The following SLC6A2 variants were observed in gnomAD, a reference collection of about 807,000 sequenced individuals.
SLC6A2 encodes the protein solute carrier family 6 member 2, also known as sodium-dependent noradrenaline transporter.
SLC6A2 carries 26 observed loss-of-function variants against 71.7 expected under a neutral mutation model. The ratio of observed to expected loss-of-function variants is 0.36; its 90% CI spans 0.27 to 0.50. SLC6A2 has a LOEUF of 0.50. SLC6A2 is among the 20% of genes least tolerant of loss of function. The pLI is 0.96. For synonymous variants in SLC6A2, 363 were observed against 337.9 expected, an observed-to-expected ratio of 1.07 and a Z score of -0.82; for missense variants, 581 against 803.9, an observed-to-expected ratio of 0.72 and a Z score of 3.35.
chr16:55,680,677 G>C (rs1466034217), intron 4 of SLC6A2, among the ~76,000 whole-genome samples: 2 of 152,150 alleles, frequency 1.3e-5, no homozygotes, highest in Non-Finnish European at 2.9e-5. Flanking sequence ...CCCAGGAACA[G>C]TACTTTGCAT....
At chr16:55,670,884 TC>T (rs1964889267) in intron 3 of SLC6A2, among the ~76,000 whole-genome samples, 1 of 152,272 alleles carries the variant, frequency 6.6e-6, no homozygotes, top group South Asian at 2.1e-4. Context: ...CGCCAACACC[TC>T]ACAGGCTAAT....
chr16:55,684,300 C>CAAA lies in SLC6A2; in HGVS notation c.645-828_645-826dup, dbSNP rs34610275. Among the ~76,000 whole-genome samples the CAAA allele has an allele frequency of 2.4e-3, 321 of 132,960 alleles. 2 individuals are homozygous for CAAA. Among genetic ancestry groups the CAAA allele is most frequent in the African/African-American group, 8.5e-3 (293 of 34,574 alleles). 87.2% of individuals were successfully genotyped at this position (132,960 alleles called of 152,430 possible). ...TGGGCAACAGAGTGAGAGCCTGTCT[C>CAAA]AAAAAAAAAAAAAAAAACAACAACA... On this transcript the variant is annotated intron_variant, in intron 4 of 14. Coordinates refer to ENST00000568943, the MANE Select transcript of SLC6A2 (RefSeq NM_001172501.3).
chr16:55,700,213 C>G lies in SLC6A2; in HGVS notation c.1665C>G (p.Asn555Lys). ...ACTACATCTTCCCGCCCTGGGCCAA[C>G]TGGGTGGGGTGGGGCATCGCCCTGT... The part of the protein sequence containing the change: ...YDDYIFPPWA[N>K]WVGWGIALSS... Residue 555 changes from asparagine to lysine, a missense_variant, in exon 13 of 15, where the codon AAC becomes AAG. By Grantham distance (94) the Asn-to-Lys change is moderately conservative. Transcript: ENST00000568943. 1.2e-6 allele frequency: 2 copies of G among 1,614,100 alleles called. No individual in the cohort carries two copies. The highest frequency in any genetic ancestry group is 1.7e-6 in the Non-Finnish European group (2 of 1,179,998).
chr16:55,669,176 T>A (rs1247435784), intron 2 of SLC6A2, among the ~76,000 whole-genome samples: 1 of 152,194 alleles, frequency 6.6e-6, no homozygotes, highest in African/African-American at 2.4e-5. Flanking sequence ...TTGGGTTAGA[T>A]TGGCATTCCC....
Position 55,656,414 on chromosome 16 carries a change from G to C in SLC6A2, c.-51-230G>C. ...TGGGTGAACGAGGAAAAGTGCTGCA[G>C]GGTCTTCAGCCGCCCCCAGAGGGCT... is the stretch of plus-strand genomic sequence containing the variant. On this transcript the variant is annotated intron_variant, in intron 1 of 14. Coordinates refer to ENST00000568943, the MANE Select transcript of SLC6A2 (RefSeq NM_001172501.3). The surrounding 1 kb of genome is among the most constrained non-coding windows in gnomAD (Gnocchi z 4.5). 1.9e-6 allele frequency: 1 copy of C among 540,064 alleles called. No individual in the cohort carries two copies. The allele number at this position is 540,064 out of a possible 1,614,324, so 33.5% of individuals were successfully genotyped here. A position where few individuals can be genotyped will look rare whatever the true frequency, so the allele number is the denominator to read the frequency against.
At chr16:55,679,875 G>A (rs1221698542) in intron 4 of SLC6A2, among the ~76,000 whole-genome samples, 1 of 152,138 alleles carries the variant, frequency 6.6e-6, no homozygotes, top group Admixed American at 6.5e-5. Flanking sequence ...GTTATCCTCC[G>A]GACCTCGATG....
intron 4 of SLC6A2, among the ~76,000 whole-genome samples, chr16:55,683,056 C>T (rs1379955540): frequency 6.6e-6 from 1 of 152,114 alleles, no homozygotes; most frequent in Non-Finnish European, 1.5e-5. Flanking sequence ...GAGCAAATAC[C>T]ACACCAAGTT....
intron 4 of SLC6A2, among the ~76,000 whole-genome samples, chr16:55,676,553 A>G (rs1337563298): frequency 6.6e-6 from 1 of 152,014 alleles, no homozygotes. Context: ...ACTTCTCCTC[A>G]CTCTAACCCC....
rs202149308 is a variant in SLC6A2, at chr16:55,656,817, C to T, written c.123C>T (p.Gly41=). 3 of 1,613,406 alleles carry T rather than the reference C, an allele frequency of 1.9e-6. No individual in the cohort carries two copies. Among genetic ancestry groups the T allele is most frequent in the East Asian group, 4.5e-5 (2 of 44,828 alleles). Reference sequence around the variant, plus strand: ...TGCTGGTGGTGAAGGAGCGCAACGGCGTCCAGTGCCTGCTGGCGCCCCGCG... The same window carrying T: ...TGCTGGTGGTGAAGGAGCGCAACGGTGTCCAGTGCCTGCTGGCGCCCCGCG... The part of the protein sequence containing the change: ...AELLVVKERN[G]VQCLLAPRDG... Residue 41 remains glycine (G), a synonymous_variant, in exon 2 of 15, where the codon GGC becomes GGT. Coordinates refer to ENST00000568943, the MANE Select transcript of SLC6A2 (RefSeq NM_001172501.3). This position sits in a 1 kb window ranked among gnomAD's most constrained non-coding sequence, Gnocchi z 4.5.
At chr16:55,697,846 G>C (rs753976313) in intron 9 of SLC6A2, 51 bp from the exon 10 acceptor site, 3 of 1,609,878 alleles carry the variant, frequency 1.9e-6, no homozygotes, top group Non-Finnish European at 2.5e-6. Flanking sequence ...CTGAGACTGA[G>C]GTCCAGGGAG....
At chr16:55,701,272 TAA>T (rs1292713518) in intron 13 of SLC6A2, among the ~76,000 whole-genome samples, 3 of 152,186 alleles carry the variant, frequency 2.0e-5, no homozygotes, top group Non-Finnish European at 4.4e-5. Flanking sequence ...GTGAAATCCC[TAA>T]GTCTGGTTCC....
At position 55,701,844 on chromosome 16, in the gene SLC6A2, CCCCTT is replaced by C. The variant is rs1567460338; in HGVS notation, c.1759-17_1759-13del. The C allele has an allele frequency of 6.2e-7, 1 of 1,609,494 alleles. No homozygotes were observed. The highest frequency in any genetic ancestry group is 8.5e-7 in the Non-Finnish European group (1 of 1,175,686). ...TCCCTGGGCCAAGCTGAGGCCTCCT[CCCCTT>C]CTCTTCCTTTCAGAGACTGGCCTAT... is the stretch of plus-strand genomic sequence containing the variant. On this transcript the variant is annotated splice_polypyrimidine_tract_variant and intron_variant, in intron 13 of 14. Transcript: ENST00000568943.
intron 4 of SLC6A2, among the ~76,000 whole-genome samples, chr16:55,678,586 TC>T (rs1277607097): frequency 2.0e-5 from 3 of 152,100 alleles, no homozygotes; most frequent in East Asian, 3.9e-4. Flanking sequence ...TAAAAGAAAC[TC>T]TGCAGCTCTG....
intron 7 of SLC6A2, 35 bp from the exon 8 acceptor site, chr16:55,695,243 C>A: frequency 1.2e-6 from 2 of 1,613,646 alleles, no homozygotes; most frequent in South Asian, 1.1e-5. Flanking sequence ...TTGAGGGTGT[C>A]AAGGGACTTG....
chr16:55,659,306 G>A (rs1259740461), intron 2 of SLC6A2, among the ~76,000 whole-genome samples: 2 of 152,160 alleles, frequency 1.3e-5, no homozygotes, highest in Non-Finnish European at 2.9e-5. Flanking sequence ...CAGCTAGATG[G>A]ATATTCCAGG....
chr16:55,692,491 GC>G (rs1244754179), intron 6 of SLC6A2, among the ~76,000 whole-genome samples: 1 of 152,104 alleles, frequency 6.6e-6, no homozygotes, highest in East Asian at 1.9e-4. Context: ...CACCAGGGAG[GC>G]CCTGCCAACT....
intron 4 of SLC6A2, among the ~76,000 whole-genome samples, chr16:55,672,557 A>G (rs1964956688): frequency 6.6e-6 from 1 of 152,206 alleles, no homozygotes; most frequent in Non-Finnish European, 1.5e-5. Context: ...TTGCGTGGGT[A>G]GTCAGGAAAG....
chr16:55,663,363 G>C (rs867364700), intron 2 of SLC6A2, among the ~76,000 whole-genome samples: 7 of 152,216 alleles, frequency 4.6e-5, no homozygotes, highest in Middle Eastern at 3.4e-3. Context: ...CACTCTCTTG[G>C]TTCCCCTCTT....
At chr16:55,691,075 C>G (rs1449223107) in intron 5 of SLC6A2, among the ~76,000 whole-genome samples, 1 of 151,102 alleles carries the variant, frequency 6.6e-6, no homozygotes, top group Admixed American at 6.6e-5. Flanking sequence ...AGGCAATGTG[C>G]TTAGGAAAGA....
Sources: allele counts gnomAD v4.1 joint callset (sites outside exome capture counted in the v4.1 genomes callset), GRCh38; gene constraint gnomAD v4.1.1; non-coding constraint Gnocchi (gnomAD v3.1); transcripts MANE v1.5; gene names NCBI Gene and HGNC (gene_info 2026-07-23, HGNC 2026-07-21).